VCL: variants seen among roughly 807,000 people sequenced by gnomAD.
The protein encoded by VCL is epididymis luminal protein 114.
VCL carries 47 observed loss-of-function variants against 125.7 expected under a neutral mutation model. The observed-to-expected ratio is 0.37, with a 90% CI of 0.30 to 0.48. The LOEUF (loss-of-function observed/expected upper bound fraction) is 0.48. VCL is among the 20% of genes least tolerant of loss of function. The pLI, the probability that VCL is intolerant of heterozygous loss-of-function variation, is 0.99. For synonymous variants in VCL, 458 were observed against 514.6 expected, an observed-to-expected ratio of 0.89 and a Z score of 1.49; for missense variants, 1,069 against 1,455.5, an observed-to-expected ratio of 0.73 and a Z score of 4.32.
At chr10:74,106,627 G>GTT (rs775672743) in intron 16 of VCL, among the ~76,000 whole-genome samples, 7 of 152,194 alleles carry the variant, frequency 4.6e-5, no homozygotes, top group Non-Finnish European at 8.8e-5. Context: ...GGAAGGAGGG[G>GTT]CTCCCCTATT....
intron 1 of VCL, among the ~76,000 whole-genome samples, chr10:74,008,662 C>T (rs1464238225): frequency 6.6e-6 from 1 of 152,184 alleles, no homozygotes; most frequent in African/African-American, 2.4e-5. Flanking sequence ...CTGATTTGGG[C>T]CCAGCCTTTT....
intron 21 of VCL, among the ~76,000 whole-genome samples, chr10:74,115,530 A>G (rs184845902): frequency 1.4e-3 from 208 of 152,328 alleles, no homozygotes; most frequent in Non-Finnish European, 2.6e-3. Flanking sequence ...GATCAGTGGC[A>G]GTTAGGACTC....
At chr10:74,036,092 T>C (rs1421925411) in intron 1 of VCL, among the ~76,000 whole-genome samples, 1 of 152,220 alleles carries the variant, frequency 6.6e-6, no homozygotes, top group Admixed American at 6.5e-5. Context: ...GACATGACTA[T>C]ATTTATTATA....
At chr10:74,043,300 T>G (rs1358004283) in intron 2 of VCL, 147 bp downstream of exon 2, 1 of 748,952 alleles carries the variant, frequency 1.3e-6, no homozygotes, top group Non-Finnish European at 2.2e-6. Context: ...CTAACTTTTT[T>G]AAAAAAACTG....
intron 17 of VCL, 82 bp from the exon 18 acceptor site, chr10:74,108,889 G>T: frequency 6.4e-7 from 1 of 1,563,266 alleles, no homozygotes; most frequent in East Asian, 2.2e-5. Context: ...GGTTTTCTAG[G>T]GATGCTTTTT....
At position 74,118,702 on chromosome 10, in the gene VCL, G is replaced by A. The variant is rs566737975; in HGVS notation, c.*533G>A. 2.3e-5 allele frequency: 4 copies of A among 177,532 alleles called. No individual in the cohort carries two copies. Among genetic ancestry groups the A allele is most frequent in the African/African-American group, 9.5e-5 (4 of 42,166 alleles). The allele number at this position is 177,532 out of a possible 1,614,324, so 11.0% of individuals were successfully genotyped here. On this transcript the variant is annotated 3_prime_UTR_variant, in exon 22 of 22. Transcript: ENST00000211998. The stretch of plus-strand genomic sequence containing the variant: ...TGCTACCTGGGTCCTTTTCAGAAGT[G>A]AGCTTTGCTGCTACAGGGGAAGGTG...
chr10:74,031,157 A>G (rs148833690), intron 1 of VCL, among the ~76,000 whole-genome samples: 1 of 152,354 alleles, frequency 6.6e-6, no homozygotes, highest in Non-Finnish European at 1.5e-5. Flanking sequence ...ATCCTCAATT[A>G]TGCTAATGTG....
chr10:74,024,088 C>T (rs1840725052), intron 1 of VCL, among the ~76,000 whole-genome samples: 1 of 152,120 alleles, frequency 6.6e-6, no homozygotes, highest in African/African-American at 2.4e-5. Flanking sequence ...GAGGTCTTGC[C>T]ATTTGACACA....
intron 1 of VCL, among the ~76,000 whole-genome samples, chr10:74,024,735 G>T (rs1840740957): frequency 6.6e-6 from 1 of 152,168 alleles, no homozygotes; most frequent in South Asian, 2.1e-4. Context: ...GTTACTTAAG[G>T]CCAGGCTGAC....
chr10:74,035,506 A>C (rs766728588), intron 1 of VCL, among the ~76,000 whole-genome samples: 12 of 152,108 alleles, frequency 7.9e-5, no homozygotes, highest in Non-Finnish European at 1.5e-4. Context: ...TTATTCATTC[A>C]CTACCATTAT....
chr10:74,108,870 A>G (rs1350336124), intron 17 of VCL, 101 bp from the exon 18 acceptor site: 2 of 1,366,508 alleles, frequency 1.5e-6, no homozygotes, highest in Non-Finnish European at 1.0e-6. Context: ...TGTGGAGTCA[A>G]TATGGGTGGG....
At chr10:74,121,290 G>A (rs770459903), downstream of VCL, 4 of 152,108 alleles carry the variant, frequency 2.6e-5, no homozygotes, top group Non-Finnish European at 2.9e-5. Flanking sequence ...TTTTCCTAGG[G>A]TCCTTCTGTA....
At chr10:74,034,677 A>G (rs1019553597) in intron 1 of VCL, among the ~76,000 whole-genome samples, 8 of 152,236 alleles carry the variant, frequency 5.3e-5, no homozygotes, top group African/African-American at 1.9e-4. Context: ...GATTAAATGA[A>G]TAAGTTGGAA....
chr10:74,101,118 C>T (rs1333471372), intron 14 of VCL, 21 bp downstream of exon 14: 1 of 1,610,624 alleles, frequency 6.2e-7, no homozygotes, highest in East Asian at 2.2e-5. Context: ...GCTCATTCCT[C>T]ATACAGTGTT....
At chr10:74,031,637 A>G (rs1033933566) in intron 1 of VCL, among the ~76,000 whole-genome samples, 6 of 152,298 alleles carry the variant, frequency 3.9e-5, no homozygotes, top group Admixed American at 1.3e-4. Flanking sequence ...AAAATCACAA[A>G]CAACAAAAGA....
intron 2 of VCL, among the ~76,000 whole-genome samples, chr10:74,058,730 C>T (rs916897925): frequency 5.3e-5 from 8 of 152,216 alleles, no homozygotes; most frequent in East Asian, 1.9e-4. Context: ...CTCCTTTCCA[C>T]GGCCACTAAA....
intron 1 of VCL, among the ~76,000 whole-genome samples, chr10:74,036,900 T>C (rs1409756907): frequency 6.6e-6 from 1 of 151,724 alleles, no homozygotes; most frequent in Non-Finnish European, 1.5e-5. Context: ...TGTTCTACTT[T>C]TTTTCTTTTT....
intron 2 of VCL, among the ~76,000 whole-genome samples, chr10:74,068,380 A>G (rs1841608430): frequency 6.6e-6 from 1 of 151,770 alleles, no homozygotes; most frequent in South Asian, 2.1e-4. Flanking sequence ...GCTGGAGTGC[A>G]GTGGCATGAT....
chr10:74,056,172 TTG>T (rs774358336), intron 2 of VCL, among the ~76,000 whole-genome samples: 1 of 150,614 alleles, frequency 6.6e-6, no homozygotes, highest in Non-Finnish European at 1.5e-5. Context: ...CCTGTGGGTT[TTG>T]TGTGTGTGTG....
Sources: gnomAD v4.1 joint callset for allele counts (sites outside exome capture counted in the v4.1 genomes callset) on GRCh38, gnomAD v4.1.1 for gene constraint, MANE v1.5 for transcripts, NCBI Gene and HGNC (gene_info 2026-07-23, HGNC 2026-07-21) for gene names.